Variants in TBCE observed in about 807,000 individuals in gnomAD.
TBCE encodes tubulin-specific chaperone E.
Under a neutral mutation model 77.0 loss-of-function variants are expected in TBCE, and 53 were observed. The observed-to-expected ratio is 0.69, with a 90% CI of 0.55 to 0.87. The LOEUF (loss-of-function observed/expected upper bound fraction) is 0.87. Ranked by LOEUF, TBCE falls within the 40% of genes least tolerant of loss-of-function variation. The pLI is 0.00. For missense variants in TBCE, 624 were observed against 622.4 expected (o/e 1.00, Z -0.03); for synonymous variants, 235 against 241.3 (o/e 0.97, Z 0.24).
chr1:235,367,955 T>G (rs1201331891), intron 1 of TBCE, among the ~76,000 whole-genome samples: 2 of 152,104 alleles, frequency 1.3e-5, no homozygotes. Flanking sequence ...TGGACTGCAG[T>G]GGCGCGGATC....
intron 1 of TBCE, among the ~76,000 whole-genome samples, chr1:235,372,395 GA>G (rs1209141783): frequency 6.6e-6 from 1 of 152,118 alleles, no homozygotes; most frequent in East Asian, 1.9e-4. Context: ...TCTATCTTAA[GA>G]ATTTTTCCCA....
At chr1:235,434,777 C>T (rs920943581) in intron 8 of TBCE, among the ~76,000 whole-genome samples, 8 of 151,910 alleles carry the variant, frequency 5.3e-5, no homozygotes, top group Non-Finnish European at 7.4e-5. Flanking sequence ...AGGCTGGTCT[C>T]GAACTCCTGA....
chr1:235,437,899 G>T (rs538606368), intron 12 of TBCE, among the ~76,000 whole-genome samples: 50 of 152,156 alleles, frequency 3.3e-4, no homozygotes, highest in African/African-American at 9.2e-4. Context: ...CCTTGGAATG[G>T]TAAAGATTAG....
intron 5 of TBCE, chr1:235,423,494 T>C (rs1194377917): frequency 1.3e-5 from 2 of 152,278 alleles, no homozygotes; most frequent in African/African-American, 4.8e-5. Context: ...GCGGGGTTAA[T>C]GGAAACACAG....
At chr1:235,433,117 A>G (rs1681203691) in intron 7 of TBCE, 1 of 1,488,530 alleles carries the variant, frequency 6.7e-7, no homozygotes, top group Non-Finnish European at 8.9e-7. Flanking sequence ...GGTCACGGGC[A>G]GGTTTAACAG....
chr1:235,412,644 C>T (rs1272618734), intron 3 of TBCE, among the ~76,000 whole-genome samples: 3 of 151,986 alleles, frequency 2.0e-5, no homozygotes, highest in African/African-American at 7.2e-5. Context: ...CCCTCCTGGC[C>T]ACTTCTTCCC....
intron 1 of TBCE, among the ~76,000 whole-genome samples, chr1:235,376,849 C>T (rs1277142893): frequency 6.6e-6 from 1 of 152,094 alleles, no homozygotes; most frequent in African/African-American, 2.4e-5. Context: ...TGGCGGCCGC[C>T]TGTAATCCCA....
intron 15 of TBCE, among the ~76,000 whole-genome samples, chr1:235,447,214 TTTTA>T (rs1274842340): frequency 1.3e-4 from 20 of 152,212 alleles, no homozygotes; most frequent in African/African-American, 4.6e-4. Flanking sequence ...AAAGGCCAGT[TTTTA>T]TTCTAAAATA....
At position 235,450,986 on chromosome 1, in the gene TBCE, A is replaced by ATGT. The variant is rs1339637677; in HGVS notation, c.*2227_*2229dup. 1 of 152,242 alleles carries ATGT rather than the reference A, an allele frequency of 6.6e-6. No individual in the cohort carries two copies. The highest frequency in any genetic ancestry group is 2.4e-5 in the African/African-American group (1 of 41,464). 9.4% of individuals were successfully genotyped at this position (152,242 alleles called of 1,614,324 possible). A position where few individuals can be genotyped will look rare whatever the true frequency, so the allele number is the denominator to read the frequency against. ...CATTCAATGTTTTGACAACACAAAA[A>ATGT]TGTTGGATAAAATTAAAAACCTTTA... is the stretch of plus-strand genomic sequence containing the variant. On this transcript the variant is annotated 3_prime_UTR_variant, in exon 17 of 17. Transcript: ENST00000642610.
intron 3 of TBCE, among the ~76,000 whole-genome samples, chr1:235,405,812 C>G (rs1185743499): frequency 6.6e-6 from 1 of 152,078 alleles, no homozygotes; most frequent in Non-Finnish European, 1.5e-5. Flanking sequence ...CTTGTTTACA[C>G]CAGCATCACC....
chr1:235,393,414 T>G (rs1292113021), intron 2 of TBCE, among the ~76,000 whole-genome samples: 1 of 152,130 alleles, frequency 6.6e-6, no homozygotes. Context: ...GGCACGTGCC[T>G]GTAATCCCAG....
At chr1:235,405,901 G>C (rs1459849984) in intron 3 of TBCE, among the ~76,000 whole-genome samples, 1 of 152,104 alleles carries the variant, frequency 6.6e-6, no homozygotes, top group Non-Finnish European at 1.5e-5. Context: ...TTCAGCTCCA[G>C]TGTGATTATG....
At chr1:235,412,915 T>C (rs1467933951) in intron 3 of TBCE, among the ~76,000 whole-genome samples, 1 of 152,144 alleles carries the variant, frequency 6.6e-6, no homozygotes, top group African/African-American at 2.4e-5. Flanking sequence ...GTGATTCTCC[T>C]GCCTCAGCCT....
At chr1:235,394,418 C>T (rs369278591) in intron 2 of TBCE, among the ~76,000 whole-genome samples, 330 of 72,126 alleles carry the variant, frequency 4.6e-3, no homozygotes, top group Middle Eastern at 0.019. Context: ...TTGATAATTT[C>T]TTTTTTTTTT....
At chr1:235,435,869 T>C (rs767993266) in intron 9 of TBCE, 29 bp downstream of exon 9, 1 of 1,570,412 alleles carries the variant, frequency 6.4e-7, no homozygotes, top group Admixed American at 1.7e-5. Flanking sequence ...CCTGATACAA[T>C]AGTGTTCAGT....
intron 2 of TBCE, among the ~76,000 whole-genome samples, chr1:235,387,127 C>T (rs1396668549): frequency 1.3e-5 from 2 of 152,166 alleles, no homozygotes; most frequent in African/African-American, 2.4e-5. Flanking sequence ...TCGTGAACCG[C>T]GAATGCTGCT....
chr1:235,409,579 T>TA, intron 3 of TBCE, among the ~76,000 whole-genome samples: 1 of 151,986 alleles, frequency 6.6e-6, no homozygotes. Flanking sequence ...CTTTGATCTG[T>TA]AAAGGGCATA....
Position 235,449,201 on chromosome 1 carries a change from A to G in TBCE, c.*439A>G, listed in dbSNP as rs1250745235. On this transcript the variant is annotated 3_prime_UTR_variant, in exon 17 of 17. Transcript: ENST00000642610. Reference sequence around the variant, plus strand: ...AAATGTCCCTTAAACTTGGGGAGACATCCTCTACTATGTATAACAATATGC... The same window carrying G: ...AAATGTCCCTTAAACTTGGGGAGACGTCCTCTACTATGTATAACAATATGC... 2.0e-5 allele frequency: 5 copies of G among 245,958 alleles called. No individual in the cohort carries two copies. The highest frequency in any genetic ancestry group is 1.1e-4 in the African/African-American group (5 of 43,486). The allele number at this position is 245,958 out of a possible 1,614,324, so 15.2% of individuals were successfully genotyped here.
chr1:235,448,560 A>AT (rs752784694), intron 16 of TBCE, 110 bp from the exon 17 acceptor site: 21 of 1,384,500 alleles, frequency 1.5e-5, no homozygotes, highest in Admixed American at 3.4e-5. Context: ...TGTTTGTTTG[A>AT]TTTTAAGGGT....
Sources: allele counts gnomAD v4.1 joint callset (sites outside exome capture counted in the v4.1 genomes callset), GRCh38; gene constraint gnomAD v4.1.1; transcripts MANE v1.5; gene names NCBI Gene and HGNC (gene_info 2026-07-23, HGNC 2026-07-21).